The following STKLD1 variants were observed in gnomAD, a reference collection of about 807,000 sequenced individuals.
The protein encoded by STKLD1 is serine/threonine kinase-like domain-containing protein STKLD1.
In STKLD1, 79 loss-of-function variants were observed where a neutral mutation model predicts 80.4. The observed-to-expected ratio is 0.98, with a 90% CI of 0.82 to 1.19. The LOEUF is 1.19. Ranked by LOEUF, STKLD1 falls within the 50% of genes most tolerant of loss-of-function variation. The probability of loss-of-function intolerance (pLI) is 0.00; values close to 1 mark genes in which losing one functional copy is unlikely to be tolerated. For missense variants in STKLD1, 841 were observed against 856.0 expected (o/e 0.98, Z 0.22); for synonymous variants, 393 against 357.6 (o/e 1.10, Z -1.12).
In STKLD1 at chr9:133,390,638, T is replaced by TG. The variant is rs2130286854; in HGVS notation, c.468-41dup. The TG allele has an allele frequency of 6.7e-7, 1 of 1,485,784 alleles. No homozygotes were observed. 92.0% of individuals were successfully genotyped at this position (1,485,784 alleles called of 1,614,324 possible). A position where few individuals can be genotyped will look rare whatever the true frequency, so the allele number is the denominator to read the frequency against. On this transcript the variant is annotated intron_variant, in intron 6 of 17. Coordinates refer to ENST00000371957, the MANE Select transcript of STKLD1 (RefSeq NM_153710.5). The surrounding 1 kb of genome is among the most constrained non-coding windows in gnomAD (Gnocchi z 5.1). Reference sequence around the variant, plus strand: ...GGGTTGTGGGTGGTGGCTGCCCAGGTGGCCCCTTGGCATCCAGAGGCAAAC... The same window carrying TG: ...GGGTTGTGGGTGGTGGCTGCCCAGGTGGGCCCCTTGGCATCCAGAGGCAAAC...
At position 133,394,205 on chromosome 9, in the gene STKLD1, A is replaced by AT; in HGVS notation, c.584-85dup. 1.1e-6 allele frequency: 1 copy of AT among 888,550 alleles called. No homozygotes were observed. The highest frequency in any genetic ancestry group is 1.9e-6 in the Non-Finnish European group (1 of 523,760). 55.0% of individuals were successfully genotyped at this position (888,550 alleles called of 1,614,324 possible). On this transcript the variant is annotated intron_variant, in intron 7 of 17. Transcript: ENST00000371957. The surrounding 1 kb of genome is among the most constrained non-coding windows in gnomAD (Gnocchi z 4.9). ...TGCTTGCGGGGGGCCACCAAAGGGG[A>AT]TACAGTGCTGGGCAGGGTGACTCTG... is the stretch of plus-strand genomic sequence containing the variant.
chr9:133,405,114 T>G, intron 17 of STKLD1, 138 bp from the exon 18 acceptor site: 1 of 1,317,156 alleles, frequency 7.6e-7, no homozygotes, highest in African/African-American at 1.5e-5. Context: ...AGGGTGACGC[T>G]TGGGGCTCCG....
chr9:133,397,018 C>A, intron 9 of STKLD1, 146 bp from the exon 10 acceptor site: 3 of 1,208,158 alleles, frequency 2.5e-6, no homozygotes, highest in Non-Finnish European at 3.4e-6. Context: ...TATGAGAGAC[C>A]CTGCCAAATG....
chr9:133,379,076 T>C lies in STKLD1; in HGVS notation c.128T>C (p.Leu43Pro), dbSNP rs1336091686. The part of the protein sequence containing the change: ...QLNPGALGVN[L>P]VVEEMETKVK... ...AATCCTGGGGCCTTGGGGGTGAACC[T>C]GGTGGTGGAGGAAATGGAAACCAAA... Residue 43 changes from leucine to proline, a missense_variant, in exon 2 of 18, where the codon CTG becomes CCG. Coordinates refer to ENST00000371957, the MANE Select transcript of STKLD1 (RefSeq NM_153710.5). 1.2e-6 allele frequency: 2 copies of C among 1,613,948 alleles called. No homozygotes were observed. The highest frequency in any genetic ancestry group is 1.7e-6 in the Non-Finnish European group (2 of 1,179,938).
chr9:133,398,145 C>A, intron 11 of STKLD1, 90 bp downstream of exon 11: 1 of 1,256,744 alleles, frequency 8.0e-7, no homozygotes, highest in South Asian at 1.3e-5. Flanking sequence ...TGGCCCTCAC[C>A]CCGGGCTCTC....
chr9:133,382,329 G>A (rs1244275780), intron 2 of STKLD1, among the ~76,000 whole-genome samples: 4 of 152,234 alleles, frequency 2.6e-5, no homozygotes, highest in Non-Finnish European at 5.9e-5. Context: ...TTTGCAAAAG[G>A]AGCAAAGATG....
rs2130281867 is a variant in STKLD1, at chr9:133,388,181, T to C, written c.396+633T>C. The stretch of plus-strand genomic sequence containing the variant: ...TTCCGACTTGGTTTGGTTGGCCCCA[T>C]GTTTACTCTCACAAGTTGTGAGCAT... On this transcript the variant is annotated intron_variant, in intron 5 of 17. Transcript: ENST00000371957. Among the ~76,000 whole-genome samples the C allele has an allele frequency of 1.9e-3, 289 of 152,326 alleles. 1 individual carries two copies. Among genetic ancestry groups the C allele is most frequent in the African/African-American group, 6.7e-3 (280 of 41,566 alleles).
chr9:133,400,161 T>C (rs909424375), intron 11 of STKLD1, among the ~76,000 whole-genome samples: 1 of 152,178 alleles, frequency 6.6e-6, no homozygotes. Flanking sequence ...GACCCCAGGT[T>C]CCTCATCTGC....
chr9:133,400,994 G>A (rs1838689842), intron 12 of STKLD1, among the ~76,000 whole-genome samples: 1 of 152,178 alleles, frequency 6.6e-6, no homozygotes, highest in Non-Finnish European at 1.5e-5. Flanking sequence ...CTCTGAAGAG[G>A]GCTGGTAGGA....
intron 4 of STKLD1, among the ~76,000 whole-genome samples, chr9:133,386,163 C>T (rs1347773228): frequency 6.6e-6 from 1 of 152,204 alleles, no homozygotes; most frequent in Non-Finnish European, 1.5e-5. Flanking sequence ...AAGTGATCCG[C>T]CCGCCTCGGC....
chr9:133,393,080 T>G, intron 7 of STKLD1, among the ~76,000 whole-genome samples: 4 of 26,270 alleles, frequency 1.5e-4, no homozygotes, highest in Admixed American at 6.3e-4. Flanking sequence ...GGTAGATGGG[T>G]GGGTGGGTGC....
Position 133,389,364 on chromosome 9 carries a change from A to G in STKLD1, c.397-162A>G. ...CGGCTTTACCATCTGGAGAGCCACC[A>G]CGCTGAAGCCTCCTCCACCCTGAGC... On this transcript the variant is annotated intron_variant, in intron 5 of 17. Transcript: ENST00000371957. The surrounding 1 kb of genome is among the most constrained non-coding windows in gnomAD (Gnocchi z 6.4). The G allele has an allele frequency of 1.0e-6, 1 of 985,302 alleles. No individual in the cohort carries two copies. The highest frequency in any genetic ancestry group is 1.2e-6 in the Non-Finnish European group (1 of 829,910). The allele number at this position is 985,302 out of a possible 1,614,324, so 61.0% of individuals were successfully genotyped here.
intron 5 of STKLD1, among the ~76,000 whole-genome samples, chr9:133,388,090 C>A (rs149429350): frequency 6.6e-6 from 1 of 152,282 alleles, no homozygotes; most frequent in African/African-American, 2.4e-5. Flanking sequence ...GGGATGAATA[C>A]CTAGGAGTGG....
chr9:133,392,691 GTGAGTGGA>G (rs1222863412), intron 7 of STKLD1, among the ~76,000 whole-genome samples: 2 of 106,118 alleles, frequency 1.9e-5, no homozygotes, highest in Admixed American at 9.1e-5. Flanking sequence ...GGGTGAGTAG[GTGAGTGGA>G]TGAGTGGATG....
rs1554778486 is a variant in STKLD1, at chr9:133,405,236, C to CCTG, written c.1874-13_1874-11dup. On this transcript the variant is annotated splice_polypyrimidine_tract_variant and intron_variant, in intron 17 of 17. Transcript: ENST00000371957. ...GGAAGGACTCTGGCCTCAGGACCTT[C>CCTG]CTGCTCCACCTGCAGAGGAGATCCT... 1.2e-5 allele frequency: 19 copies of CCTG among 1,586,508 alleles called. No homozygotes were observed. Among genetic ancestry groups the CCTG allele is most frequent in the Non-Finnish European group, 1.6e-5 (19 of 1,165,484 alleles).
At chr9:133,395,526 C>T (rs1838537319) in intron 8 of STKLD1, 74 bp from the exon 9 acceptor site, 3 of 1,499,740 alleles carry the variant, frequency 2.0e-6, no homozygotes, top group South Asian at 1.3e-5. Context: ...GGTCCCTGGT[C>T]GTCCCCTGCC....
intron 11 of STKLD1, among the ~76,000 whole-genome samples, chr9:133,398,554 G>A (rs2130680686): frequency 6.6e-6 from 1 of 152,304 alleles, no homozygotes; most frequent in South Asian, 2.1e-4. Context: ...CAAGGCGGGA[G>A]GACTGCTTGA....
intron 2 of STKLD1, among the ~76,000 whole-genome samples, chr9:133,383,277 G>A (rs1448647134): frequency 4.6e-3 from 8 of 1,726 alleles, no homozygotes; most frequent in African/African-American, 7.3e-3. Flanking sequence ...TGGTGGTAAT[G>A]GTGGTGGTGT....
At chr9:133,396,777 CAA>C (rs1348097867) in intron 9 of STKLD1, among the ~76,000 whole-genome samples, 1 of 152,004 alleles carries the variant, frequency 6.6e-6, no homozygotes, top group African/African-American at 2.4e-5. Flanking sequence ...CCAAACAAAA[CAA>C]AACAAAAAAC....
Sources: allele counts gnomAD v4.1 joint callset (sites outside exome capture counted in the v4.1 genomes callset), GRCh38; gene constraint gnomAD v4.1.1; non-coding constraint Gnocchi (gnomAD v3.1); transcripts MANE v1.5; gene names NCBI Gene and HGNC (gene_info 2026-07-23, HGNC 2026-07-21).